SGCZ: variants seen among roughly 807,000 people sequenced by gnomAD.
SGCZ encodes sarcoglycan zeta, also known as zeta-sarcoglycan.
Under a neutral mutation model 41.3 loss-of-function variants are expected in SGCZ, and 40 were observed. The observed-to-expected ratio is 0.97, with a 90% CI of 0.75 to 1.26. The LOEUF is 1.26. Among genes scored for constraint, SGCZ ranks in the 50% most tolerant of loss-of-function variants. The pLI, the probability that SGCZ is intolerant of heterozygous loss-of-function variation, is 0.00. For synonymous variants in SGCZ, 206 were observed against 137.5 expected, an observed-to-expected ratio of 1.50 and a Z score of -3.49; for missense variants, 552 against 369.8, an observed-to-expected ratio of 1.49 and a Z score of -4.04.
At chr8:14,412,719 A>C (rs1772994170) in intron 2 of SGCZ, among the ~76,000 whole-genome samples, 1 of 152,036 alleles carries the variant, frequency 6.6e-6, no homozygotes, top group Admixed American at 6.6e-5. Context: ...TAATGTATTC[A>C]ATATGCACAA....
At chr8:14,825,190 T>A (rs964653128) in intron 1 of SGCZ, among the ~76,000 whole-genome samples, 2 of 152,188 alleles carry the variant, frequency 1.3e-5, no homozygotes, top group African/African-American at 4.8e-5. Context: ...ACAAAAATCT[T>A]AACATTATAC....
chr8:14,982,157 CAA>C (rs10710626), intron 1 of SGCZ, among the ~76,000 whole-genome samples: 80,198 of 138,446 alleles, frequency 0.58, 23,006 homozygotes, highest in African/African-American at 0.75. Context: ...GACTCTGTCT[CAA>C]AAAAAAAAAA....
At chr8:14,738,038 T>G (rs1073068) in intron 1 of SGCZ, among the ~76,000 whole-genome samples, 53,293 of 151,858 alleles carry the variant, frequency 0.35, 11,098 homozygotes, top group African/African-American at 0.57. Context: ...GGTAGAAAGC[T>G]CTCACATATA....
intron 3 of SGCZ, among the ~76,000 whole-genome samples, chr8:14,264,344 C>A (rs1482429566): frequency 6.6e-6 from 1 of 152,138 alleles, no homozygotes; most frequent in East Asian, 1.9e-4. Context: ...CACAATGAGA[C>A]AGAGTAGAGT....
At chr8:15,150,436 C>G (rs1261036749) in intron 1 of SGCZ, among the ~76,000 whole-genome samples, 3 of 152,312 alleles carry the variant, frequency 2.0e-5, no homozygotes, top group East Asian at 3.9e-4. Context: ...GGGCCATAGA[C>G]CCTGCTGAGC....
chr8:14,266,360 A>G (rs149823981), intron 3 of SGCZ, among the ~76,000 whole-genome samples: 1 of 152,214 alleles, frequency 6.6e-6, no homozygotes, highest in Admixed American at 6.5e-5. Context: ...ATATGATGAT[A>G]ATATGTTTCA....
At chr8:15,017,385 G>A (rs1040332195) in intron 1 of SGCZ, among the ~76,000 whole-genome samples, 1 of 152,162 alleles carries the variant, frequency 6.6e-6, no homozygotes, top group African/African-American at 2.4e-5. Context: ...GATCCACAGT[G>A]GACCTTGGTT....
intron 2 of SGCZ, among the ~76,000 whole-genome samples, chr8:14,549,737 T>C (rs1018678518): frequency 6.6e-6 from 1 of 152,034 alleles, no homozygotes; most frequent in Admixed American, 6.6e-5. Context: ...GATGAGATAC[T>C]TGAATACAGA....
chr8:14,308,922 T>C (rs1801433332), intron 3 of SGCZ: 1 of 508,170 alleles, frequency 2.0e-6, no homozygotes, highest in Non-Finnish European at 3.5e-6. Flanking sequence ...TAATTTGAAA[T>C]CCAGTAGACT....
intron 3 of SGCZ, among the ~76,000 whole-genome samples, chr8:14,258,678 G>A (rs565890773): frequency 3.9e-5 from 6 of 152,150 alleles, no homozygotes; most frequent in African/African-American, 1.4e-4. Context: ...AATTTTACTG[G>A]ATTAATGTAA....
intron 1 of SGCZ, among the ~76,000 whole-genome samples, chr8:14,594,400 T>A (rs957999597): frequency 5.3e-5 from 8 of 151,542 alleles, no homozygotes; most frequent in Admixed American, 1.3e-4. Context: ...AAGATCTGGG[T>A]TCATATAATA....
rs972410181 is a variant in SGCZ, at chr8:14,570,814, A to G, written c.40-15888T>C. Among the ~76,000 whole-genome samples, 7 of 152,204 alleles carry G rather than the reference A, an allele frequency of 4.6e-5. No individual in the cohort carries two copies. In the East Asian group the frequency reaches 1.2e-3, roughly 25 times the overall value. On this transcript the variant is annotated intron_variant, in intron 1 of 7. Transcript: ENST00000382080. The stretch of plus-strand genomic sequence containing the variant: ...GCCTCTTATTTCCATAAGCTTTTAA[A>G]GAGTTTTATTTTATTCCAGTATTGT...
chr8:14,922,580 A>G (rs1799622549), intron 1 of SGCZ, among the ~76,000 whole-genome samples: 1 of 151,996 alleles, frequency 6.6e-6, no homozygotes, highest in Admixed American at 6.6e-5. Context: ...TCAGCCTCCC[A>G]GGCTACCTAA....
intron 1 of SGCZ, among the ~76,000 whole-genome samples, chr8:14,976,667 A>T (rs764597797): frequency 3.3e-5 from 5 of 152,202 alleles, no homozygotes; most frequent in Non-Finnish European, 7.3e-5. Flanking sequence ...GTGGCATTCA[A>T]TAAAAAGCAC....
At chr8:14,414,305 T>G (rs1408135924) in intron 2 of SGCZ, among the ~76,000 whole-genome samples, 1 of 151,952 alleles carries the variant, frequency 6.6e-6, no homozygotes, top group Non-Finnish European at 1.5e-5. Context: ...GTTACTTAAT[T>G]TAGATATACT....
chr8:14,777,413 A>C (rs1326500879), intron 1 of SGCZ, among the ~76,000 whole-genome samples: 2 of 152,232 alleles, frequency 1.3e-5, no homozygotes, highest in African/African-American at 4.8e-5. Flanking sequence ...AAGTGATTTT[A>C]AATGATTAAC....
At chr8:14,650,667 A>G (rs7003341) in intron 1 of SGCZ, among the ~76,000 whole-genome samples, 40,334 of 151,826 alleles carry the variant, frequency 0.27, 6,178 homozygotes, top group East Asian at 0.66. Context: ...CTTAGCTGAG[A>G]GTGATTAGTA....
At chr8:15,115,761 G>C (rs1807245662) in intron 1 of SGCZ, among the ~76,000 whole-genome samples, 1 of 152,178 alleles carries the variant, frequency 6.6e-6, no homozygotes, top group Non-Finnish European at 1.5e-5. Context: ...AGAAATGTAA[G>C]CTATTTTAAA....
chr8:15,176,772 T>C (rs1585642368), intron 1 of SGCZ, among the ~76,000 whole-genome samples: 1 of 152,052 alleles, frequency 6.6e-6, no homozygotes, highest in Non-Finnish European at 1.5e-5. Context: ...GAGGCCGAGG[T>C]GGGCGGATCA....
Sources: gnomAD v4.1 joint callset for allele counts (sites outside exome capture counted in the v4.1 genomes callset) on GRCh38, gnomAD v4.1.1 for gene constraint, MANE v1.5 for transcripts, NCBI Gene and HGNC (gene_info 2026-07-23, HGNC 2026-07-21) for gene names.